The following SHQ1 variants were observed in gnomAD, a reference collection of about 807,000 sequenced individuals.
The protein encoded by SHQ1 is protein SHQ1 homolog.
Under a neutral mutation model 53.8 loss-of-function variants are expected in SHQ1, and 49 were observed. That is an observed-to-expected ratio of 0.91 (90% CI 0.72 to 1.16). The LOEUF is 1.16. SHQ1 is among the 50% of genes most tolerant of loss of function. SHQ1 has a pLI of 0.00. For missense variants in SHQ1, 738 were observed against 683.1 expected (o/e 1.08, Z -0.90); for synonymous variants, 243 against 251.0 (o/e 0.97, Z 0.30).
intron 10 of SHQ1, among the ~76,000 whole-genome samples, chr3:72,774,012 G>C (rs1044339430): frequency 6.6e-6 from 1 of 152,104 alleles, no homozygotes. Context: ...TAAATCCTCC[G>C]AGGACAAGAA....
At chr3:72,789,375 A>G (rs2106784939) in intron 10 of SHQ1, among the ~76,000 whole-genome samples, 1 of 152,262 alleles carries the variant, frequency 6.6e-6, no homozygotes, top group Admixed American at 6.5e-5. Flanking sequence ...GGTCCATGCT[A>G]TCATTAGTGT....
chr3:72,819,692 T>C (rs1227866330), intron 6 of SHQ1, among the ~76,000 whole-genome samples: 1 of 152,186 alleles, frequency 6.6e-6, no homozygotes, highest in Non-Finnish European at 1.5e-5. Flanking sequence ...AGCAGACCTA[T>C]GCATTTCAAA....
intron 10 of SHQ1, among the ~76,000 whole-genome samples, chr3:72,753,895 C>T (rs1009400288): frequency 1.3e-5 from 2 of 152,180 alleles, no homozygotes; most frequent in African/African-American, 4.8e-5. Context: ...TCAGTCTGAG[C>T]TGCTGCAAAG....
rs142851171 is a variant in SHQ1, at chr3:72,816,035, G to A, written c.883-632C>T. Among the ~76,000 whole-genome samples the A allele has an allele frequency of 3.9e-4, 59 of 152,190 alleles. No individual in the cohort carries two copies. The South Asian group carries it at 3.9e-3, about 10-fold the overall frequency. On this transcript the variant is annotated intron_variant, in intron 7 of 10. Coordinates refer to ENST00000325599, the MANE Select transcript of SHQ1 (RefSeq NM_018130.3). ...CAATTACAGTATCTTTAAAAGACGA[G>A]TGAAAACAAAAAGTATTTTCAGATA...
intron 5 of SHQ1, among the ~76,000 whole-genome samples, chr3:72,831,392 A>T (rs953919430): frequency 6.6e-6 from 1 of 152,226 alleles, no homozygotes; most frequent in Non-Finnish European, 1.5e-5. Context: ...AAAATGACAA[A>T]TGGAGAGACT....
rs77596960 is a variant in SHQ1, at chr3:72,826,232, G to A, written c.600-1681C>T. Among the ~76,000 whole-genome samples the A allele has an allele frequency of 5.5e-3, 843 of 152,270 alleles. 8 individuals carry two copies. Among genetic ancestry groups the A allele is most frequent in the African/African-American group, 0.018 (751 of 41,548 alleles). ...TTCTCAATAACAATTTCCAACAGGT[G>A]CACAGACATATGAGACAAGGACAAA... On this transcript the variant is annotated intron_variant, in intron 5 of 10. Coordinates refer to ENST00000325599, the MANE Select transcript of SHQ1 (RefSeq NM_018130.3).
At chr3:72,815,483 A>C (rs1707284566) in intron 7 of SHQ1, 80 bp from the exon 8 acceptor site, 1 of 1,086,100 alleles carries the variant, frequency 9.2e-7, no homozygotes, top group East Asian at 2.4e-5. Context: ...CCATTTATTC[A>C]ACCAGTGTCT....
chr3:72,744,121 A>C, the SHQ1 span, among the ~76,000 whole-genome samples: 1 of 152,192 alleles, frequency 6.6e-6, no homozygotes, highest in Non-Finnish European at 1.5e-5. Context: ...TATTGTTTCC[A>C]GGGGCCCTCT....
chr3:72,804,470 TG>T, intron 9 of SHQ1, among the ~76,000 whole-genome samples: 1 of 145,928 alleles, frequency 6.9e-6, no homozygotes, highest in Non-Finnish European at 1.5e-5. Context: ...TTGTTGCCCG[TG>T]TCCATGTGTT....
At chr3:72,816,764 T>C (rs1707333330) in intron 7 of SHQ1, among the ~76,000 whole-genome samples, 1 of 152,218 alleles carries the variant, frequency 6.6e-6, no homozygotes, top group Non-Finnish European at 1.5e-5. Flanking sequence ...ACACATACTC[T>C]ATGAATTGAG....
At chr3:72,759,409 G>C (rs1291804098) in intron 10 of SHQ1, among the ~76,000 whole-genome samples, 3 of 152,172 alleles carry the variant, frequency 2.0e-5, no homozygotes, top group Non-Finnish European at 4.4e-5. Context: ...TTCACCTTGA[G>C]GCTGGAGGCA....
intron 1 of SHQ1, among the ~76,000 whole-genome samples, chr3:72,845,067 A>T (rs1241139799): frequency 6.6e-6 from 1 of 151,982 alleles, no homozygotes; most frequent in African/African-American, 2.4e-5. Context: ...GGGAAACAAT[A>T]AAGAAACACA....
chr3:72,767,673 G>A (rs1296902375), intron 10 of SHQ1, among the ~76,000 whole-genome samples: 1 of 152,114 alleles, frequency 6.6e-6, no homozygotes, highest in African/African-American at 2.4e-5. Context: ...TAGAACTGAA[G>A]AGTTGCCAAC....
chr3:72,791,323 G>A (rs1706427735), intron 10 of SHQ1, among the ~76,000 whole-genome samples: 1 of 152,180 alleles, frequency 6.6e-6, no homozygotes, highest in African/African-American at 2.4e-5. Context: ...GTGATGACAT[G>A]CCATTATGAC....
intron 9 of SHQ1, chr3:72,810,084 C>T (rs1433739457): frequency 1.3e-5 from 2 of 152,022 alleles, no homozygotes; most frequent in African/African-American, 2.4e-5. Context: ...AAACTTTACC[C>T]ATTCTTCCAA....
chr3:72,785,292 T>C (rs1413892872), intron 10 of SHQ1, among the ~76,000 whole-genome samples: 1 of 152,176 alleles, frequency 6.6e-6, no homozygotes, highest in Non-Finnish European at 1.5e-5. Flanking sequence ...TAGTCACCAA[T>C]AAAGCTCCCC....
rs1421108454 is a variant in SHQ1 at position 72,835,625 on chromosome 3, T to C, written c.487-3144A>G. Among the ~76,000 whole-genome samples, 7 of 152,236 alleles carry C rather than the reference T, an allele frequency of 4.6e-5. No homozygotes were observed. In the East Asian group the frequency reaches 1.4e-3, roughly 29 times the overall value. ...TTAAAAACTCTAACTGCGCTGAGAG[T>C]AGCCCCAGACTGTGAGCACAGCTCT... On this transcript the variant is annotated intron_variant, in intron 4 of 10. Coordinates refer to ENST00000325599, the MANE Select transcript of SHQ1 (RefSeq NM_018130.3).
intron 4 of SHQ1, among the ~76,000 whole-genome samples, chr3:72,835,415 A>G (rs1436023310): frequency 6.6e-6 from 1 of 152,150 alleles, no homozygotes; most frequent in Non-Finnish European, 1.5e-5. Flanking sequence ...CCTACTGAGT[A>G]CAAAGCCTCC....
chr3:72,819,950 G>T (rs1191077691), intron 6 of SHQ1, among the ~76,000 whole-genome samples: 1 of 152,228 alleles, frequency 6.6e-6, no homozygotes, highest in Non-Finnish European at 1.5e-5. Context: ...AAGAAGGTTA[G>T]AGACAGTATT....
Sources: allele counts gnomAD v4.1 joint callset (sites outside exome capture counted in the v4.1 genomes callset), GRCh38; gene constraint gnomAD v4.1.1; transcripts MANE v1.5; gene names NCBI Gene and HGNC (gene_info 2026-07-23, HGNC 2026-07-21).